BANP: variants seen among roughly 807,000 people sequenced by gnomAD.
BANP encodes protein BANP.
A neutral mutation model predicts 68.1 loss-of-function variants in BANP; 11 were observed. The ratio of observed to expected loss-of-function variants is 0.16; its 90% confidence interval spans 0.10 to 0.27. The LOEUF (loss-of-function observed/expected upper bound fraction) is 0.27, where lower values mean the gene tolerates loss of function less well. BANP is among the 10% of genes least tolerant of loss of function. The pLI is 1.00. For missense variants in BANP, 504 were observed against 722.7 expected, an observed-to-expected ratio of 0.70 and a Z score of 3.47; for synonymous variants, 329 against 303.2, an observed-to-expected ratio of 1.09 and a Z score of -0.88.
chr16:88,027,774 G>C (rs1489105858), intron 8 of BANP, 124 bp downstream of exon 8: 1 of 1,201,104 alleles, frequency 8.3e-7, no homozygotes, highest in South Asian at 1.4e-5. Context: ...GAGGCCAGAG[G>C]CTTGCGCGGT....
In BANP at chr16:88,076,796, C is replaced by A; in HGVS notation, c.*135C>A. On this transcript the variant is annotated 3_prime_UTR_variant, in exon 14 of 14. Transcript: ENST00000682872. The stretch of plus-strand genomic sequence containing the variant: ...AAGTGCGTCTGAAGGCCGCTGCCTC[C>A]GCGGGGAACAGCATCCTATCAACTG... 2.8e-6 allele frequency: 2 copies of A among 701,822 alleles called. No individual in the cohort carries two copies. Among genetic ancestry groups the A allele is most frequent in the Non-Finnish European group, 2.3e-6 (1 of 434,854 alleles). The allele number at this position is 701,822 out of a possible 1,614,324, so 43.5% of individuals were successfully genotyped here. A position where few individuals can be genotyped will look rare whatever the true frequency, so the allele number is the denominator to read the frequency against.
At position 88,018,914 on chromosome 16, in the gene BANP, T is replaced by G. The variant is rs1364467245; in HGVS notation, c.895+247T>G. Reference sequence around the variant, plus strand: ...TACCCCATCATATATATACCTACTGTGTACCCTTAGAAGGTGAAAAACTCC... The same window carrying G: ...TACCCCATCATATATATACCTACTGGGTACCCTTAGAAGGTGAAAAACTCC... On this transcript the variant is annotated intron_variant, in intron 7 of 13. Transcript: ENST00000682872. This position sits in a 1 kb window ranked among gnomAD's most constrained non-coding sequence, Gnocchi z 7.7. 6.6e-6 allele frequency among the ~76,000 whole-genome samples: 1 copy of G among 152,190 alleles called. No homozygotes were observed. Among genetic ancestry groups the G allele is most frequent in the East Asian group, 1.9e-4 (1 of 5,198 alleles).
rs762267591 is a variant in BANP at position 88,071,885 on chromosome 16, C to A, written c.1378-184C>A. 17 of 789,096 alleles carry A rather than the reference C, an allele frequency of 2.2e-5. 1 individual carries two copies. Among genetic ancestry groups the A allele is most frequent in the Middle Eastern group, 2.2e-4 (1 of 4,572 alleles). The allele number at this position is 789,096 out of a possible 1,614,324, so 48.9% of individuals were successfully genotyped here. On this transcript the variant is annotated intron_variant, in intron 12 of 13. Coordinates refer to ENST00000682872, the MANE Select transcript of BANP (RefSeq NM_001386991.1). This position sits in a 1 kb window ranked among gnomAD's most constrained non-coding sequence, Gnocchi z 6.5. ...TGGCACTCTCTCACTGGATCTGATG[C>A]GACTTGAGAGCGATGGGGAGACAGG...
chr16:88,035,313 C>G lies in BANP; in HGVS notation c.1201-10C>G. On this transcript the variant is annotated splice_polypyrimidine_tract_variant and intron_variant, in intron 9 of 13. Transcript: ENST00000682872. ...CTTCTGATGCTTCTTGGTGTCTTTT[C>G]TTGCTGCGGATCCCACAGGGACACC... 3.7e-6 allele frequency: 6 copies of G among 1,603,892 alleles called. No homozygotes were observed. Among genetic ancestry groups the G allele is most frequent in the Non-Finnish European group, 5.1e-6 (6 of 1,175,440 alleles).
rs531906284 is a variant in BANP at position 88,018,064 on chromosome 16, C to T, written c.656-364C>T. Among the ~76,000 whole-genome samples, 6 of 152,132 alleles carry T rather than the reference C, an allele frequency of 3.9e-5. No individual in the cohort carries two copies. Among genetic ancestry groups the T allele is most frequent in the Admixed American group, 2.0e-4 (3 of 15,284 alleles). On this transcript the variant is annotated intron_variant, in intron 6 of 13. Transcript: ENST00000682872. The surrounding 1 kb of genome is among the most constrained non-coding windows in gnomAD (Gnocchi z 7.7). ...GTGTGAGGGACCCCGGGGAGGGTTCCGCTCTGCAGGTGGCTGGGGCAGGTA... is the reference window on the plus strand; with the variant it reads ...GTGTGAGGGACCCCGGGGAGGGTTCTGCTCTGCAGGTGGCTGGGGCAGGTA...
intron 7 of BANP, among the ~76,000 whole-genome samples, chr16:88,025,113 C>A (rs1032931474): frequency 1.3e-5 from 2 of 152,116 alleles, no homozygotes; most frequent in Non-Finnish European, 2.9e-5. Context: ...AAGATGTTTT[C>A]CTGCTGGTGG....
intron 1 of BANP, among the ~76,000 whole-genome samples, chr16:87,954,965 C>T (rs560083012): frequency 3.3e-5 from 5 of 152,240 alleles, no homozygotes; most frequent in Non-Finnish European, 7.3e-5. Flanking sequence ...GTTCCACAGC[C>T]GCCTCTGAAT....
chr16:88,050,859 T>TA (rs2083092755), intron 11 of BANP, among the ~76,000 whole-genome samples: 1 of 151,924 alleles, frequency 6.6e-6, no homozygotes, highest in African/African-American at 2.4e-5. Flanking sequence ...TGCTAATTTT[T>TA]TTATTTTTAT....
chr16:87,979,378 G>T (rs949826005), intron 2 of BANP, among the ~76,000 whole-genome samples: 4 of 152,172 alleles, frequency 2.6e-5, no homozygotes, highest in African/African-American at 9.7e-5. Flanking sequence ...AGGGTGGTCT[G>T]CTGTGGGGTG....
At chr16:87,978,995 C>T (rs114881806) in intron 2 of BANP, among the ~76,000 whole-genome samples, 2,195 of 152,286 alleles carry the variant, frequency 0.014, 54 homozygotes, top group African/African-American at 0.05. Context: ...AGACCAAAAT[C>T]GGTCGACAGT....
chr16:87,964,081 G>C (rs1374339193), intron 1 of BANP, among the ~76,000 whole-genome samples: 1 of 152,256 alleles, frequency 6.6e-6, no homozygotes, highest in Non-Finnish European at 1.5e-5. Context: ...CATGAACTGA[G>C]TAGTTAGATT....
intron 7 of BANP, among the ~76,000 whole-genome samples, chr16:88,022,299 A>G (rs1489255889): frequency 2.0e-5 from 3 of 152,242 alleles, no homozygotes; most frequent in African/African-American, 7.2e-5. Flanking sequence ...GGGCTTTTCT[A>G]AAGAATGCTG....
At chr16:88,051,159 A>T (rs896796242) in intron 11 of BANP, among the ~76,000 whole-genome samples, 1 of 152,092 alleles carries the variant, frequency 6.6e-6, no homozygotes, top group Non-Finnish European at 1.5e-5. Context: ...GCCTCGCAGC[A>T]TGAGATCAAG....
At chr16:88,044,838 C>G (rs2081600678) in intron 11 of BANP, among the ~76,000 whole-genome samples, 1 of 152,114 alleles carries the variant, frequency 6.6e-6, no homozygotes, top group African/African-American at 2.4e-5. Flanking sequence ...AAAAAATTAG[C>G]CGGTGCGGTG....
intron 11 of BANP, among the ~76,000 whole-genome samples, chr16:88,062,821 C>A (rs2087231984): frequency 6.6e-6 from 1 of 152,194 alleles, no homozygotes; most frequent in South Asian, 2.1e-4. Flanking sequence ...TTCGGCCCAG[C>A]CTGCTCTACC....
intron 12 of BANP, among the ~76,000 whole-genome samples, chr16:88,066,283 T>G (rs1036599338): frequency 1.3e-5 from 2 of 152,150 alleles, no homozygotes; most frequent in Admixed American, 6.5e-5. Flanking sequence ...TAACAGGAAG[T>G]GAATGTCCAG....
At chr16:88,063,730 G>A (rs1006249526) in intron 11 of BANP, among the ~76,000 whole-genome samples, 9 of 152,300 alleles carry the variant, frequency 5.9e-5, no homozygotes, top group African/African-American at 1.9e-4. Flanking sequence ...CATCCTGACC[G>A]TGATGTTGTT....
intron 1 of BANP, among the ~76,000 whole-genome samples, chr16:87,959,681 C>T (rs1008567979): frequency 1.3e-5 from 2 of 152,094 alleles, no homozygotes; most frequent in African/African-American, 4.8e-5. Context: ...ACGGCCAGAT[C>T]GGAGTGTGTG....
chr16:88,034,101 G>T (rs530205187), intron 9 of BANP, among the ~76,000 whole-genome samples: 1 of 152,348 alleles, frequency 6.6e-6, no homozygotes, highest in East Asian at 1.9e-4. Context: ...TCTCATCTCA[G>T]TGTGGCTTCA....
Sources: allele counts gnomAD v4.1 joint callset (sites outside exome capture counted in the v4.1 genomes callset), GRCh38; gene constraint gnomAD v4.1.1; non-coding constraint Gnocchi (gnomAD v3.1); transcripts MANE v1.5; gene names NCBI Gene and HGNC (gene_info 2026-07-23, HGNC 2026-07-21).